The following C1D variants were observed in gnomAD, a reference collection of about 807,000 sequenced individuals.
C1D encodes C1D nuclear receptor corepressor.
A neutral mutation model predicts 17.5 loss-of-function variants in C1D; 10 were observed. That is an observed-to-expected ratio of 0.57 (90% CI 0.35 to 0.97). The LOEUF (loss-of-function observed/expected upper bound fraction) is 0.97. Among genes scored for constraint, C1D ranks in the 50% least tolerant of loss-of-function variants. The probability of loss-of-function intolerance (pLI) is 0.01; values close to 1 mark genes in which losing one functional copy is unlikely to be tolerated. For synonymous variants in C1D, 49 were observed against 54.0 expected (o/e 0.91, Z 0.40); for missense variants, 136 against 160.1 (o/e 0.85, Z 0.81).
chr2:68,045,068 T>C (rs1671080980), intron 4 of C1D, among the ~76,000 whole-genome samples: 2 of 152,160 alleles, frequency 1.3e-5, no homozygotes, highest in Admixed American at 6.5e-5. Context: ...TAAATTTATT[T>C]TCCCCCCCAA....
rs1459351897 is a variant in C1D at position 68,042,427 on chromosome 2, GTATC to G, written c.*458_*461del. On this transcript the variant is annotated 3_prime_UTR_variant, in exon 5 of 5. Coordinates refer to ENST00000410067, the MANE Select transcript of C1D (RefSeq NM_173177.3). Reference sequence around the variant, plus strand: ...CCTAAAATCATGAAAACATGATAAAGTATCTATACAGAAAAAAATGAACATTTAA... The same window carrying G: ...CCTAAAATCATGAAAACATGATAAAGTATACAGAAAAAAATGAACATTTAA... The G allele has an allele frequency of 1.3e-5, 2 of 152,830 alleles. No individual in the cohort carries two copies. The highest frequency in any genetic ancestry group is 2.9e-5 in the Non-Finnish European group (2 of 68,248). 9.5% of individuals were successfully genotyped at this position (152,830 alleles called of 1,614,324 possible).
chr2:68,052,991 A>C (rs1671332455), intron 1 of C1D: 3 of 1,527,694 alleles, frequency 2.0e-6, no homozygotes, highest in Non-Finnish European at 2.6e-6. Flanking sequence ...GAATAAACTG[A>C]GCCAAAAGAA....
At chr2:68,050,306 A>C (rs1317508984) in intron 1 of C1D, among the ~76,000 whole-genome samples, 2 of 152,154 alleles carry the variant, frequency 1.3e-5, no homozygotes, top group Admixed American at 1.3e-4. Flanking sequence ...GAAACAAAAA[A>C]AAAAAAAATT....
intron 1 of C1D, among the ~76,000 whole-genome samples, chr2:68,048,666 G>A (rs1050906246): frequency 6.6e-6 from 1 of 152,014 alleles, no homozygotes; most frequent in African/African-American, 2.4e-5. Context: ...GAGTTGTGAA[G>A]TTACTATCCA....
At position 68,048,241 on chromosome 2, in the gene C1D, G is replaced by C. The variant is rs568004585; in HGVS notation, c.-9-922C>G. The stretch of plus-strand genomic sequence containing the variant: ...AAGTATCTAAGTCCAAATTTTAGAA[G>C]CAATTCCAAGCCATAGGTAACATCT... On this transcript the variant is annotated intron_variant, in intron 1 of 4. Coordinates refer to ENST00000410067, the MANE Select transcript of C1D (RefSeq NM_173177.3). Among the ~76,000 whole-genome samples, 18 of 152,232 alleles carry C rather than the reference G, an allele frequency of 1.2e-4. No homozygotes were observed. The South Asian group carries it at 1.2e-3, about 11-fold the overall frequency.
In C1D at chr2:68,041,218, T is replaced by C. The variant is rs1018182278; in HGVS notation, c.*1671A>G. ...TACTCAAACTTTTATTTCTACCTAATAATGAAAGAATTACTCACTTAAAAG... is the reference window on the plus strand; with the variant it reads ...TACTCAAACTTTTATTTCTACCTAACAATGAAAGAATTACTCACTTAAAAG... On this transcript the variant is annotated 3_prime_UTR_variant, in exon 5 of 5. Coordinates refer to ENST00000410067, the MANE Select transcript of C1D (RefSeq NM_173177.3). 1 of 152,018 alleles carries C rather than the reference T, an allele frequency of 6.6e-6. No individual in the cohort carries two copies. The highest frequency in any genetic ancestry group is 2.4e-5 in the African/African-American group (1 of 41,444). 9.4% of individuals were successfully genotyped at this position (152,018 alleles called of 1,614,324 possible).
intron 4 of C1D, among the ~76,000 whole-genome samples, chr2:68,045,282 C>T (rs1290134859): frequency 3.3e-5 from 5 of 152,074 alleles, no homozygotes; most frequent in Non-Finnish European, 5.9e-5. Flanking sequence ...TTTATAAACA[C>T]AAAGAATCAA....
intron 2 of C1D, 69 bp from the exon 3 acceptor site, chr2:68,046,479 A>G (rs1323916886): frequency 2.8e-6 from 3 of 1,067,366 alleles, no homozygotes; most frequent in Admixed American, 2.0e-5. Flanking sequence ...AACTTTGAAC[A>G]CCATCTGATA....
intron 1 of C1D, among the ~76,000 whole-genome samples, chr2:68,056,814 C>A (rs1180334771): frequency 6.6e-6 from 1 of 152,184 alleles, no homozygotes; most frequent in Admixed American, 6.5e-5. Flanking sequence ...CACTATTAGT[C>A]AGGGTATAAA....
intron 2 of C1D, among the ~76,000 whole-genome samples, chr2:68,046,864 G>A (rs113178313): frequency 0.021 from 3,252 of 152,160 alleles, 129 homozygotes; most frequent in African/African-American, 0.073. Context: ...TTGTCCTATA[G>A]GGTTTCCAGA....
At chr2:68,046,225 TA>T in intron 3 of C1D, 118 bp downstream of exon 3, 1 of 845,584 alleles carries the variant, frequency 1.2e-6, no homozygotes, top group Non-Finnish European at 1.9e-6. Context: ...TAAAAATAAG[TA>T]TCTATTAAAA....
intron 1 of C1D, among the ~76,000 whole-genome samples, chr2:68,057,289 T>C (rs1254887092): frequency 6.6e-6 from 1 of 151,688 alleles, no homozygotes; most frequent in Non-Finnish European, 1.5e-5. Context: ...GTAGCTGGGA[T>C]TACAGGCGTC....
chr2:68,045,686 T>TAAA (rs143654299), intron 4 of C1D, among the ~76,000 whole-genome samples: 63 of 148,838 alleles, frequency 4.2e-4, no homozygotes, highest in African/African-American at 1.5e-3. Context: ...TACAGAAGTT[T>TAAA]AAAAAAAAAA....
intron 1 of C1D, among the ~76,000 whole-genome samples, chr2:68,051,120 A>G (rs374150071): frequency 2.6e-5 from 4 of 152,220 alleles, no homozygotes; most frequent in African/African-American, 9.6e-5. Context: ...GCCAAAGTCT[A>G]TTATCAAGAA....
chr2:68,048,053 C>T (rs1015221612), intron 1 of C1D, among the ~76,000 whole-genome samples: 5 of 151,910 alleles, frequency 3.3e-5, no homozygotes, highest in Non-Finnish European at 7.4e-5. Flanking sequence ...CCTTAAGCTT[C>T]TTTAAAATAT....
intron 1 of C1D, chr2:68,053,157 C>T (rs1033756726): frequency 9.0e-6 from 14 of 1,550,452 alleles, no homozygotes; most frequent in Middle Eastern, 1.7e-4. Flanking sequence ...TAGAGACAGA[C>T]GGAGAGGGCA....
In C1D at chr2:68,046,630, G is replaced by T. The variant is rs1572879937; in HGVS notation, c.139-220C>A. On this transcript the variant is annotated intron_variant, in intron 2 of 4. Coordinates refer to ENST00000410067, the MANE Select transcript of C1D (RefSeq NM_173177.3). ...TTTGTCCACACATTTTCACCTTAGGGTATCATCTTTAGTTAGACAAGGAAA... is the reference window on the plus strand; with the variant it reads ...TTTGTCCACACATTTTCACCTTAGGTTATCATCTTTAGTTAGACAAGGAAA... 5 of 472,244 alleles carry T rather than the reference G, an allele frequency of 1.1e-5. No homozygotes were observed. In the East Asian group the frequency reaches 1.8e-4, roughly 17 times the overall value. 29.3% of individuals were successfully genotyped at this position (472,244 alleles called of 1,614,324 possible).
At chr2:68,047,688 T>C (rs1671169829) in intron 1 of C1D, among the ~76,000 whole-genome samples, 1 of 152,166 alleles carries the variant, frequency 6.6e-6, no homozygotes, top group Non-Finnish European at 1.5e-5. Context: ...CTCAGCCTCC[T>C]GGGTAGCTGG....
intron 1 of C1D, among the ~76,000 whole-genome samples, chr2:68,060,557 C>T (rs1286572283): frequency 6.6e-6 from 1 of 150,780 alleles, no homozygotes; most frequent in Non-Finnish European, 1.5e-5. Context: ...GCAGGAGAAT[C>T]GTTGGAACCC....
Sources: allele counts gnomAD v4.1 joint callset (sites outside exome capture counted in the v4.1 genomes callset), GRCh38; gene constraint gnomAD v4.1.1; transcripts MANE v1.5; gene names NCBI Gene and HGNC (gene_info 2026-07-23, HGNC 2026-07-21).